DOCK2: variants seen among roughly 807,000 people sequenced by gnomAD.
The protein encoded by DOCK2 is dedicator of cytokinesis protein 2.
DOCK2 carries 87 observed loss-of-function variants against 248.9 expected under a neutral mutation model. The ratio of observed to expected loss-of-function variants is 0.35; its 90% CI spans 0.29 to 0.42. The LOEUF (loss-of-function observed/expected upper bound fraction) is 0.42, where lower values mean the gene tolerates loss of function less well. Ranked by LOEUF, DOCK2 falls within the 10% of genes least tolerant of loss-of-function variation. The pLI is 1.00. For missense variants in DOCK2, 1,747 were observed against 2,300.2 expected (o/e 0.76, Z 4.92); for synonymous variants, 805 against 821.6 (o/e 0.98, Z 0.35).
At chr5:170,041,883 C>T in intron 37 of DOCK2, 130 bp from the exon 38 acceptor site, 1 of 1,187,482 alleles carries the variant, frequency 8.4e-7, no homozygotes, top group Non-Finnish European at 1.2e-6. Context: ...AAGCTGAGTT[C>T]AAGAAAGGAG....
intron 12 of DOCK2, among the ~76,000 whole-genome samples, 160 bp from the exon 13 acceptor site, chr5:169,699,854 C>T (rs745400250): frequency 2.6e-5 from 4 of 152,188 alleles, no homozygotes; most frequent in Non-Finnish European, 5.9e-5. Context: ...ACCCAGAGAT[C>T]GCCTGTTCCA....
At chr5:169,728,373 G>A (rs1762598476) in intron 22 of DOCK2, among the ~76,000 whole-genome samples, 1 of 152,154 alleles carries the variant, frequency 6.6e-6, no homozygotes, top group South Asian at 2.1e-4. Flanking sequence ...CACAAGGTGA[G>A]TAATACTATA....
At chr5:169,870,405 C>T (rs188928807) in intron 27 of DOCK2, among the ~76,000 whole-genome samples, 1 of 152,068 alleles carries the variant, frequency 6.6e-6, no homozygotes, top group Non-Finnish European at 1.5e-5. Flanking sequence ...AATAGATAAG[C>T]TCATGAGCAA....
intron 26 of DOCK2, among the ~76,000 whole-genome samples, chr5:169,810,747 C>T (rs975041217): frequency 2.6e-5 from 4 of 152,052 alleles, no homozygotes; most frequent in African/African-American, 4.8e-5. Context: ...TTTAGTATGT[C>T]GCACTTAGCG....
chr5:170,059,553 G>A (rs1213546521), intron 44 of DOCK2, among the ~76,000 whole-genome samples: 1 of 152,096 alleles, frequency 6.6e-6, no homozygotes, highest in Non-Finnish European at 1.5e-5. Flanking sequence ...TCTCCTAATA[G>A]CCTACATAAT....
chr5:169,866,159 G>T (rs1018672319), intron 27 of DOCK2, among the ~76,000 whole-genome samples: 1 of 152,106 alleles, frequency 6.6e-6, no homozygotes, highest in East Asian at 1.9e-4. Context: ...CTAGGAAAGG[G>T]TATCTGATTG....
At chr5:170,049,812 A>G (rs1253298983) in intron 40 of DOCK2, among the ~76,000 whole-genome samples, 3 of 152,224 alleles carry the variant, frequency 2.0e-5, no homozygotes, top group African/African-American at 4.8e-5. Flanking sequence ...CAGGAAGGAT[A>G]AAGAGTGTGT....
chr5:169,681,877 A>G lies in DOCK2; in HGVS notation c.604A>G (p.Met202Val), dbSNP rs1003378093. 3.7e-6 allele frequency: 6 copies of G among 1,613,448 alleles called. No individual in the cohort carries two copies. In the African/African-American group the frequency reaches 8.0e-5, roughly 22 times the overall value. ...DKITERIKEEMSKDQPDYAMY... is the reference protein window; with the variant it reads ...DKITERIKEEVSKDQPDYAMY... ...AATCACAGAGCGTATCAAAGAAGAA[A>G]TGGTGAGCTTTACTAAATAGGCTTT... is the stretch of plus-strand genomic sequence containing the variant. The change falls in exon 7 of 52, where the codon ATG (methionine) becomes GTG (valine). Residue 202 changes from methionine (M) to valine (V), a missense_variant and splice_region_variant. Met to Val is a conservative substitution (Grantham distance 21). Coordinates refer to ENST00000520908, the MANE Select transcript of DOCK2 (RefSeq NM_004946.3).
At chr5:169,803,651 G>T (rs1767135277) in intron 26 of DOCK2, among the ~76,000 whole-genome samples, 1 of 152,226 alleles carries the variant, frequency 6.6e-6, no homozygotes, top group African/African-American at 2.4e-5. Context: ...TGGATGAGCA[G>T]ATTGCTGGGG....
intron 9 of DOCK2, among the ~76,000 whole-genome samples, chr5:169,691,996 C>A (rs1760330969): frequency 3.3e-5 from 5 of 152,008 alleles, no homozygotes; most frequent in Non-Finnish European, 7.4e-5. Context: ...GCTGAGACTA[C>A]AGGTACATGC....
At chr5:170,034,371 G>A in intron 34 of DOCK2, 28 bp from the exon 35 acceptor site, 3 of 1,612,836 alleles carry the variant, frequency 1.9e-6, no homozygotes, top group Admixed American at 3.3e-5. Flanking sequence ...CCAGCCATGA[G>A]CTCACTGCCC....
chr5:169,881,493 G>C, intron 27 of DOCK2: 1 of 1,419,952 alleles, frequency 7.0e-7, no homozygotes, highest in Non-Finnish European at 9.7e-7. Flanking sequence ...AGTCACGTGG[G>C]CCACAAACAT....
intron 30 of DOCK2, chr5:170,000,549 T>A (rs371318822): frequency 5.5e-4 from 84 of 152,356 alleles, no homozygotes; most frequent in African/African-American, 1.8e-3. Flanking sequence ...CCAGAAGCAC[T>A]CTCTGCCCTT....
chr5:169,864,527 A>C, intron 27 of DOCK2: 2 of 1,203,786 alleles, frequency 1.7e-6, no homozygotes, highest in South Asian at 3.2e-5. Flanking sequence ...AGCATCTCTC[A>C]GCCCCAACTA....
At chr5:169,752,305 G>T (rs1376702425) in intron 23 of DOCK2, among the ~76,000 whole-genome samples, 1 of 152,132 alleles carries the variant, frequency 6.6e-6, no homozygotes, top group Non-Finnish European at 1.5e-5. Context: ...TGCTCTCTTG[G>T]CCACTGTGAA....
intron 26 of DOCK2, among the ~76,000 whole-genome samples, chr5:169,836,944 A>G (rs1769617930): frequency 6.6e-6 from 1 of 152,192 alleles, no homozygotes; most frequent in Non-Finnish European, 1.5e-5. Context: ...CTTATTCTAG[A>G]AACCCTACAG....
intron 50 of DOCK2, chr5:170,081,333 C>T (rs1581582083): frequency 6.4e-6 from 1 of 156,382 alleles, no homozygotes; most frequent in East Asian, 1.9e-4. Flanking sequence ...CTCTTTCTCC[C>T]ATTTGGCCAA....
At chr5:170,040,671 T>C (rs1160207085) in intron 36 of DOCK2, 1 of 212,272 alleles carries the variant, frequency 4.7e-6, no homozygotes, top group Non-Finnish European at 1.0e-5. Flanking sequence ...TCTCTCTCCT[T>C]CCTTTATTTC....
chr5:169,795,752 C>T (rs781429549), intron 25 of DOCK2, among the ~76,000 whole-genome samples: 6 of 152,090 alleles, frequency 3.9e-5, no homozygotes, highest in Non-Finnish European at 7.3e-5. Context: ...TGCAAATGCT[C>T]GCAAACCGAA....
Sources: gnomAD v4.1 joint callset for allele counts (sites outside exome capture counted in the v4.1 genomes callset) on GRCh38, gnomAD v4.1.1 for gene constraint, MANE v1.5 for transcripts, NCBI Gene and HGNC (gene_info 2026-07-23, HGNC 2026-07-21) for gene names.